CFAP99: variants seen among roughly 807,000 people sequenced by gnomAD.
CFAP99 encodes cilia and flagella associated protein 99.
In CFAP99, 84 loss-of-function variants were observed where a neutral mutation model predicts 82.7. The observed-to-expected ratio is 1.02, with a 90% CI of 0.85 to 1.22. The LOEUF (loss-of-function observed/expected upper bound fraction) is 1.22. Among genes scored for constraint, CFAP99 ranks in the 50% most tolerant of loss-of-function variants. CFAP99 has a pLI of 0.00. For missense variants in CFAP99, 1,059 were observed against 983.5 expected (o/e 1.08, Z -1.03); for synonymous variants, 456 against 429.5 (o/e 1.06, Z -0.76).
exon 14 of CFAP99, chr4:2,460,211 C>T (rs955131726): frequency 1.6e-5 from 25 of 1,535,904 alleles, no homozygotes; most frequent in Middle Eastern, 1.7e-4. Flanking sequence ...CTCGCTGTGC[C>T]GTGCAGCCAT....
intron 1 of CFAP99, among the ~76,000 whole-genome samples, chr4:2,423,033 G>C (rs1248437747): frequency 6.6e-6 from 1 of 152,216 alleles, no homozygotes; most frequent in Non-Finnish European, 1.5e-5. Context: ...AAACGTCTCA[G>C]TGTGGCTGAC....
At chr4:2,459,785 A>G (rs923515766) in intron 13 of CFAP99, among the ~76,000 whole-genome samples, 34 of 152,204 alleles carry the variant, frequency 2.2e-4, no homozygotes, top group Non-Finnish European at 4.9e-4. Flanking sequence ...CTGGGGAGAT[A>G]GTCATGAGCT....
rs1161565228 is a variant in CFAP99, at chr4:2,441,887, G to A, written c.352-1243G>A. On this transcript the variant is annotated intron_variant, in intron 4 of 14. Coordinates refer to ENST00000635017, the Ensembl canonical transcript of CFAP99. ...CCACCATGGTCAGGAGTGGTGGGCG[G>A]TGACATGGTGTGGCTCCCAGGAGGT... Among the ~76,000 whole-genome samples the A allele has an allele frequency of 3.3e-5, 5 of 152,338 alleles. No homozygotes were observed. In the South Asian group the frequency reaches 8.3e-4, roughly 25 times the overall value.
At position 2,450,984 on chromosome 4, in the gene CFAP99, G is replaced by A. The variant is rs781551306; in HGVS notation, c.833G>A (p.Arg278Gln). 7.6e-5 allele frequency: 117 copies of A among 1,535,880 alleles called. No individual in the cohort carries two copies. The highest frequency in any genetic ancestry group is 5.0e-4 in the Middle Eastern group (3 of 6,008). Reference sequence around the variant, plus strand: ...CAGCTGCGGCTTCAGTTCCCACCCCGAATCCGAAAGACTCCGAAGCTGACC... The same window carrying A: ...CAGCTGCGGCTTCAGTTCCCACCCCAAATCCGAAAGACTCCGAAGCTGACC... The change falls in exon 9 of 15, where the codon CGA becomes CAA. Residue 278 changes from arginine to glutamine, a missense_variant. Transcript: ENST00000635017.
Position 2,426,596 on chromosome 4 carries a change from G to T in CFAP99, c.111+10G>T. 1 of 1,515,560 alleles carries T rather than the reference G, an allele frequency of 6.6e-7. No homozygotes were observed. The highest frequency in any genetic ancestry group is 8.9e-7 in the Non-Finnish European group (1 of 1,128,296). 93.9% of individuals were successfully genotyped at this position (1,515,560 alleles called of 1,614,324 possible). ...GGCCACCTCCCTGCAGGTAGGATCTGCTGGGGGCTGCTGGGAGGCCACGCC... is the reference window on the plus strand; with the variant it reads ...GGCCACCTCCCTGCAGGTAGGATCTTCTGGGGGCTGCTGGGAGGCCACGCC... On this transcript the variant is annotated intron_variant, in intron 2 of 14. Transcript: ENST00000635017.
chr4:2,453,542 G>C (rs1347097168), intron 11 of CFAP99, among the ~76,000 whole-genome samples: 1 of 152,194 alleles, frequency 6.6e-6, no homozygotes, highest in Admixed American at 6.5e-5. Context: ...GTACCAGGCT[G>C]AATTCGTGAA....
intron 6 of CFAP99, among the ~76,000 whole-genome samples, chr4:2,447,588 AATGG>A (rs1046148146): frequency 2.0e-5 from 3 of 149,122 alleles, no homozygotes; most frequent in African/African-American, 7.4e-5. Context: ...TGGATGGATG[AATGG>A]ATGAACACAT....
rs1734650193 is a variant in CFAP99 at position 2,462,575 on chromosome 4, G to C, written c.1794G>C (p.Ser598=). ...GGCAGGCGGCCTTGCTGCACGTGTC[G>C]GCGCCGCGGACCGCGCGCCCCAAGC... Residue 598 remains serine (S), a synonymous_variant, in exon 15 of 15, where the codon TCG becomes TCC. Coordinates refer to ENST00000635017, the Ensembl canonical transcript of CFAP99. This position sits in a 1 kb window ranked among gnomAD's most constrained non-coding sequence, Gnocchi z 4.1. 7.0e-7 allele frequency: 1 copy of C among 1,433,658 alleles called. No individual in the cohort carries two copies. Among genetic ancestry groups the C allele is most frequent in the African/African-American group, 1.5e-5 (1 of 67,310 alleles). The allele number at this position is 1,433,658 out of a possible 1,614,324, so 88.8% of individuals were successfully genotyped here.
In CFAP99 at chr4:2,421,350, C is replaced by CTTTTTTTT. The variant is rs10632358; in HGVS notation, c.-18+2272_-18+2279dup. Among the ~76,000 whole-genome samples the CTTTTTTTT allele has an allele frequency of 5.6e-4, 54 of 96,956 alleles. 1 individual carries two copies. The highest frequency in any genetic ancestry group is 7.8e-3 in the Middle Eastern group (1 of 128). 63.6% of individuals were successfully genotyped at this position (96,956 alleles called of 152,430 possible). A position where few individuals can be genotyped will look rare whatever the true frequency, so the allele number is the denominator to read the frequency against. On this transcript the variant is annotated intron_variant, in intron 1 of 14. Coordinates refer to ENST00000635017, the Ensembl canonical transcript of CFAP99. ...AAAGAGAAGCTTTAGTCTGCCCACC[C>CTTTTTTTT]TTTTTTTTTTTTTTTTTTTTTTGAG...
chr4:2,420,825 A>G (rs1248348861), intron 1 of CFAP99, among the ~76,000 whole-genome samples: 2 of 152,138 alleles, frequency 1.3e-5, no homozygotes, highest in Non-Finnish European at 2.9e-5. Flanking sequence ...GGCTGCCCAC[A>G]TTCCTGCCAT....
At chr4:2,458,763 G>C in exon 12 of CFAP99, 2 of 1,535,724 alleles carry the variant, frequency 1.3e-6, no homozygotes, top group Non-Finnish European at 1.7e-6. Flanking sequence ...AGACGGCTCC[G>C]GGAGGACAGG....
intron 1 of CFAP99, among the ~76,000 whole-genome samples, chr4:2,419,930 C>T (rs1033277014): frequency 3.9e-5 from 6 of 152,086 alleles, no homozygotes; most frequent in Non-Finnish European, 1.5e-5. Flanking sequence ...GATTTTCACC[C>T]AACCACTCCT....
chr4:2,426,594 C>T lies in CFAP99; in HGVS notation c.111+8C>T. 2.0e-6 allele frequency: 3 copies of T among 1,513,652 alleles called. No individual in the cohort carries two copies. Among genetic ancestry groups the T allele is most frequent in the Non-Finnish European group, 2.7e-6 (3 of 1,126,576 alleles). 93.8% of individuals were successfully genotyped at this position (1,513,652 alleles called of 1,614,324 possible). A position where few individuals can be genotyped will look rare whatever the true frequency, so the allele number is the denominator to read the frequency against. ...GCGGCCACCTCCCTGCAGGTAGGAT[C>T]TGCTGGGGGCTGCTGGGAGGCCACG... On this transcript the variant is annotated splice_region_variant and intron_variant, in intron 2 of 14. Coordinates refer to ENST00000635017, the Ensembl canonical transcript of CFAP99.
At chr4:2,432,210 C>G (rs1381136113) in intron 2 of CFAP99, among the ~76,000 whole-genome samples, 3 of 152,300 alleles carry the variant, frequency 2.0e-5, no homozygotes, top group East Asian at 3.9e-4. Flanking sequence ...AGCATTGCAT[C>G]TATATCCCAG....
chr4:2,445,410 G>A (rs1258211729), intron 6 of CFAP99, 102 bp downstream of exon 6: 19 of 1,055,156 alleles, frequency 1.8e-5, no homozygotes, highest in Non-Finnish European at 2.3e-5. Context: ...GCTCCCCCCA[G>A]GGCTGAGGGT....
intron 11 of CFAP99, among the ~76,000 whole-genome samples, chr4:2,453,994 G>T (rs1232831497): frequency 1.4e-5 from 2 of 146,984 alleles, no homozygotes; most frequent in Non-Finnish European, 1.5e-5. Flanking sequence ...TTGTTTTTTG[G>T]TTTTTGGTTT....
In CFAP99 at chr4:2,436,777, G is replaced by T. The variant is rs1344633809; in HGVS notation, c.112-97G>T. On this transcript the variant is annotated intron_variant, in intron 2 of 14. Coordinates refer to ENST00000635017, the Ensembl canonical transcript of CFAP99. ...CTAACAGGCCCTTTGCAGCCCCGGG[G>T]CCGCTCCACCCCTGCCTTTGCCCAA... The T allele has an allele frequency of 4.0e-6, 4 of 1,003,194 alleles. No individual in the cohort carries two copies. In the East Asian group the frequency reaches 7.8e-5, roughly 20 times the overall value. 62.1% of individuals were successfully genotyped at this position (1,003,194 alleles called of 1,614,324 possible).
intron 11 of CFAP99, among the ~76,000 whole-genome samples, chr4:2,456,950 C>CTTT (rs574632036): frequency 1.0e-4 from 11 of 109,478 alleles, no homozygotes; most frequent in East Asian, 2.7e-4. Flanking sequence ...TCTTTGAATA[C>CTTT]TTTTTTTTTT....
At chr4:2,432,938 C>G (rs1316129153) in intron 2 of CFAP99, among the ~76,000 whole-genome samples, 3 of 152,230 alleles carry the variant, frequency 2.0e-5, no homozygotes, top group Non-Finnish European at 4.4e-5. Flanking sequence ...GTCAGAAGGA[C>G]CTGGTCCAGC....
Sources: gnomAD v4.1 joint callset for allele counts (sites outside exome capture counted in the v4.1 genomes callset) on GRCh38, gnomAD v4.1.1 for gene constraint, Gnocchi (gnomAD v3.1) non-coding constraint, MANE v1.5 for transcripts, NCBI Gene and HGNC (gene_info 2026-07-23, HGNC 2026-07-21) for gene names.